Variants in RTN1 observed in about 807,000 individuals in gnomAD.
RTN1 encodes the protein reticulon-1.
In RTN1, 25 loss-of-function variants were observed where a neutral mutation model predicts 65.5. The ratio of observed to expected loss-of-function variants is 0.38; its 90% CI spans 0.28 to 0.53. RTN1 has a LOEUF of 0.53. RTN1 is among the 20% of genes least tolerant of loss of function. The pLI, the probability that RTN1 is intolerant of heterozygous loss-of-function variation, is 0.79. For missense variants in RTN1, 983 were observed against 1,025.4 expected (o/e 0.96, Z 0.57); for synonymous variants, 471 against 447.6 (o/e 1.05, Z -0.66).
rs1887218131 is a variant in RTN1, at chr14:59,836,683, T to G, written c.241+33707A>C. On this transcript the variant is annotated intron_variant, in intron 1 of 8. Coordinates refer to ENST00000267484, the MANE Select transcript of RTN1 (RefSeq NM_021136.3). This position sits in a 1 kb window ranked among gnomAD's most constrained non-coding sequence, Gnocchi z 4.9. ...ACAGGGCAAAGGGTGTGTTGGGGAG[T>G]AGTGAGAGAGAAGGCGGGAAACAGG... is the stretch of plus-strand genomic sequence containing the variant. Among the ~76,000 whole-genome samples the G allele has an allele frequency of 6.6e-6, 1 of 150,738 alleles. No homozygotes were observed.
intron 1 of RTN1, among the ~76,000 whole-genome samples, chr14:59,851,540 T>C (rs1887507191): frequency 6.6e-6 from 1 of 152,208 alleles, no homozygotes; most frequent in Non-Finnish European, 1.5e-5. Flanking sequence ...ATGATTTTTT[T>C]TTGTTCCTTA....
rs1426841769 is a variant in RTN1, at chr14:59,790,830, T to TA, written c.242-44350dup. On this transcript the variant is annotated intron_variant, in intron 1 of 8. Transcript: ENST00000267484. This position sits in a 1 kb window ranked among gnomAD's most constrained non-coding sequence, Gnocchi z 4.1. ...CCTTCTGATGTTTAACTCAGTATCT[T>TA]ATGTTTACTGGTTATTTGAAGCCCT... Among the ~76,000 whole-genome samples the TA allele has an allele frequency of 6.6e-6, 1 of 152,164 alleles. No homozygotes were observed. The highest frequency in any genetic ancestry group is 2.4e-5 in the African/African-American group (1 of 41,454).
chr14:59,664,252 G>A (rs1390457361), intron 3 of RTN1, among the ~76,000 whole-genome samples: 2 of 152,114 alleles, frequency 1.3e-5, no homozygotes, highest in Admixed American at 6.5e-5. Context: ...TCACTCATAA[G>A]TGGGAGTTGA....
chr14:59,781,271 T>A (rs963066991), intron 1 of RTN1, among the ~76,000 whole-genome samples: 3 of 151,934 alleles, frequency 2.0e-5, no homozygotes, highest in Non-Finnish European at 2.9e-5. Context: ...TCTTGGGCCA[T>A]TTTCTTTGTT....
intron 3 of RTN1, among the ~76,000 whole-genome samples, chr14:59,628,373 G>T (rs989538815): frequency 1.3e-5 from 2 of 151,892 alleles, no homozygotes; most frequent in African/African-American, 4.8e-5. Context: ...TTGATAATAA[G>T]GGAACTAAAG....
At chr14:59,665,434 G>A (rs562220738) in intron 3 of RTN1, among the ~76,000 whole-genome samples, 2 of 152,140 alleles carry the variant, frequency 1.3e-5, no homozygotes, top group Non-Finnish European at 2.9e-5. Context: ...AAGAGCTCCT[G>A]AAGGAAGCAT....
At chr14:59,764,723 A>AAAC (rs1346614713) in intron 1 of RTN1, among the ~76,000 whole-genome samples, 2 of 152,330 alleles carry the variant, frequency 1.3e-5, no homozygotes, top group South Asian at 4.1e-4. Flanking sequence ...ATTCCTCAGG[A>AAAC]AACAACAACA....
intron 3 of RTN1, among the ~76,000 whole-genome samples, chr14:59,614,867 T>C (rs373413077): frequency 1.1e-4 from 17 of 152,334 alleles, no homozygotes; most frequent in East Asian, 3.9e-4. Flanking sequence ...ACAGTTAACA[T>C]TGTAATATGT....
chr14:59,783,480 C>T (rs1223738416), intron 1 of RTN1, among the ~76,000 whole-genome samples: 3 of 152,096 alleles, frequency 2.0e-5, no homozygotes, highest in African/African-American at 7.2e-5. Flanking sequence ...ACGTGGGAGA[C>T]AGAAAGAGTA....
intron 3 of RTN1, among the ~76,000 whole-genome samples, chr14:59,612,165 A>C (rs1272148531): frequency 6.6e-6 from 1 of 152,188 alleles, no homozygotes; most frequent in African/African-American, 2.4e-5. Flanking sequence ...TGGGATGGAA[A>C]ATGTTAATTC....
intron 3 of RTN1, among the ~76,000 whole-genome samples, chr14:59,704,215 G>A (rs1054321437): frequency 1.3e-5 from 2 of 152,254 alleles, no homozygotes; most frequent in South Asian, 2.1e-4. Context: ...CCAGGGACTT[G>A]CAGTCCCAGC....
chr14:59,675,010 C>T (rs1883592219), intron 3 of RTN1, among the ~76,000 whole-genome samples: 1 of 151,894 alleles, frequency 6.6e-6, no homozygotes, highest in Non-Finnish European at 1.5e-5. Context: ...GCAAGCAAGT[C>T]ACACATGAAA....
intron 3 of RTN1, among the ~76,000 whole-genome samples, chr14:59,670,082 T>G (rs1247554372): frequency 6.6e-6 from 1 of 152,226 alleles, no homozygotes; most frequent in African/African-American, 2.4e-5. Flanking sequence ...AATTGCCCAG[T>G]ACATCAACAT....
At chr14:59,725,341 A>G (rs754877380) in intron 3 of RTN1, among the ~76,000 whole-genome samples, 3 of 152,246 alleles carry the variant, frequency 2.0e-5, no homozygotes, top group Non-Finnish European at 4.4e-5. Flanking sequence ...GTTAGGGGAT[A>G]AAATGGAGAC....
intron 1 of RTN1, among the ~76,000 whole-genome samples, chr14:59,780,718 G>A (rs999745990): frequency 1.3e-5 from 2 of 152,176 alleles, no homozygotes; most frequent in Non-Finnish European, 2.9e-5. Flanking sequence ...ATAAAGGACT[G>A]AGGAGGCTGT....
intron 1 of RTN1, among the ~76,000 whole-genome samples, chr14:59,809,137 G>C (rs1420772736): frequency 6.6e-6 from 1 of 151,992 alleles, no homozygotes; most frequent in Non-Finnish European, 1.5e-5. Context: ...ACTGTCATAA[G>C]TCAGATAAAA....
chr14:59,776,261 G>C (rs1325966316), intron 1 of RTN1, among the ~76,000 whole-genome samples: 1 of 152,140 alleles, frequency 6.6e-6, no homozygotes, highest in Admixed American at 6.5e-5. Context: ...GGCCTAGTAA[G>C]AGGTGGATTA....
At position 59,596,487 on chromosome 14, in the gene RTN1, A is replaced by G. The variant is rs183383028; in HGVS notation, c.*258T>C. 5 of 299,710 alleles carry G rather than the reference A, an allele frequency of 1.7e-5. No homozygotes were observed. The East Asian group carries it at 3.2e-4, about 19-fold the overall frequency. 18.6% of individuals were successfully genotyped at this position (299,710 alleles called of 1,614,324 possible). A position where few individuals can be genotyped will look rare whatever the true frequency, so the allele number is the denominator to read the frequency against. On this transcript the variant is annotated 3_prime_UTR_variant, in exon 9 of 9. Transcript: ENST00000267484. Reference sequence around the variant, plus strand: ...AAAGATAACTTGGGCTCTCACCATCATGCACTTTTTTTAGCAACACAAAAT... The same window carrying G: ...AAAGATAACTTGGGCTCTCACCATCGTGCACTTTTTTTAGCAACACAAAAT...
intron 1 of RTN1, among the ~76,000 whole-genome samples, chr14:59,800,636 G>A (rs1307708453): frequency 6.6e-6 from 1 of 152,024 alleles, no homozygotes; most frequent in South Asian, 2.1e-4. Flanking sequence ...TCCTGACCTC[G>A]TGATCTGCCC....
Sources: gnomAD v4.1 joint callset for allele counts (sites outside exome capture counted in the v4.1 genomes callset) on GRCh38, gnomAD v4.1.1 for gene constraint, Gnocchi (gnomAD v3.1) non-coding constraint, MANE v1.5 for transcripts, NCBI Gene and HGNC (gene_info 2026-07-23, HGNC 2026-07-21) for gene names.